Variants in CFAP47 observed in about 807,000 individuals in gnomAD.
CFAP47 encodes cilia- and flagella-associated protein 47.
A neutral mutation model predicts 148.1 loss-of-function variants in CFAP47; 29 were observed. The observed-to-expected ratio is 0.20, with a 90% confidence interval of 0.15 to 0.27. CFAP47 has a LOEUF of 0.27. CFAP47 is among the 10% of genes least tolerant of loss of function. CFAP47 has a pLI of 1.00. For missense variants in CFAP47, 1,872 were observed against 1,697.5 expected (o/e 1.10, Z -1.81); for synonymous variants, 664 against 577.3 (o/e 1.15, Z -2.15).
intron 49 of CFAP47, among the ~76,000 whole-genome samples, chrX:36,265,137 A>T (rs1480352945): frequency 9.3e-6 from 1 of 107,067 alleles, no homozygotes; most frequent in East Asian, 3.1e-4. Context: ...GGTAAGCTGT[A>T]TTTCTAGGTA....
At chrX:35,920,655 G>T (rs1295918125) in intron 1 of CFAP47, among the ~76,000 whole-genome samples, 2 of 111,418 alleles carry the variant, frequency 1.8e-5, no homozygotes, top group Non-Finnish European at 3.8e-5. Flanking sequence ...AAAGTGGGCA[G>T]AATTTCCTCT....
chrX:36,204,384 A>C (rs1940015922), intron 44 of CFAP47, among the ~76,000 whole-genome samples: 1 of 110,040 alleles, frequency 9.1e-6, no homozygotes. Flanking sequence ...AACAATGAGA[A>C]CACATGGACA....
intron 30 of CFAP47, among the ~76,000 whole-genome samples, chrX:36,089,356 C>T (rs1938145171): frequency 9.2e-6 from 1 of 109,051 alleles, no homozygotes; most frequent in Non-Finnish European, 1.9e-5. Flanking sequence ...GCAACAAGAG[C>T]GAAACTCCAT....
intron 60 of CFAP47, among the ~76,000 whole-genome samples, chrX:36,360,176 T>C (rs1941817034): frequency 8.9e-6 from 1 of 112,215 alleles, no homozygotes; most frequent in Non-Finnish European, 1.9e-5. Flanking sequence ...TTGTATGTGA[T>C]GAGACAGTTT....
Position 36,046,988 on chromosome X carries a change from G to T in CFAP47, c.4142G>T (p.Cys1381Phe). 8.6e-7 allele frequency: 1 copy of T among 1,164,632 alleles called. No individual in the cohort carries two copies. Among genetic ancestry groups the T allele is most frequent in the East Asian group, 3.3e-5 (1 of 30,705 alleles). Residue 1381 changes from cysteine to phenylalanine, a missense_variant, in exon 26 of 64, where the codon TGC (cysteine) becomes TTC (phenylalanine). By Grantham distance (205) the Cys-to-Phe change is radical. Transcript: ENST00000378653. ...AGTGGAATTAATAATAAGCTCACTT[G>T]CCACCTCAGTTTCAAGTCATCTAAA... ...SHSGINNKLT[C>F]HLSFKSSKPV... is the part of the protein sequence containing the mutation.
At chrX:35,997,110 T>A (rs1936856516) in intron 18 of CFAP47, among the ~76,000 whole-genome samples, 1 of 111,720 alleles carries the variant, frequency 9.0e-6, no homozygotes, top group Admixed American at 9.6e-5. Context: ...ATGGTGGTTC[T>A]AAGGGGTCAA....
intron 39 of CFAP47, among the ~76,000 whole-genome samples, chrX:36,174,589 G>C (rs1191511895): frequency 2.2e-5 from 2 of 90,413 alleles, no homozygotes; most frequent in African/African-American, 4.1e-5. Flanking sequence ...TGAAATTCTG[G>C]GTTGAAAATT....
At chrX:36,284,648 T>C (rs1941113476) in intron 50 of CFAP47, among the ~76,000 whole-genome samples, 1 of 111,743 alleles carries the variant, frequency 8.9e-6, no homozygotes, top group South Asian at 3.7e-4. Context: ...CATATACTCA[T>C]GAAAAACCTT....
At chrX:36,371,792 GTATATACACACATGTA>G (rs1941957312) in intron 62 of CFAP47, among the ~76,000 whole-genome samples, 1 of 51,993 alleles carries the variant, frequency 1.9e-5, no homozygotes, top group African/African-American at 1.7e-4. Flanking sequence ...ATATATGTGT[GTATATACACACATGTA>G]TATATGTGTG....
At chrX:36,225,059 T>G (rs1334457364) in intron 45 of CFAP47, among the ~76,000 whole-genome samples, 1 of 111,782 alleles carries the variant, frequency 8.9e-6, no homozygotes, top group East Asian at 2.8e-4. Flanking sequence ...TTGTAATTTT[T>G]CTGTAAATTT....
chrX:36,211,294 G>T, intron 45 of CFAP47: 1 of 256,072 alleles, frequency 3.9e-6, no homozygotes. Flanking sequence ...AGGAAAATTT[G>T]AAGACATGGC....
chrX:36,070,011 C>G (rs1386583343), intron 27 of CFAP47, among the ~76,000 whole-genome samples: 1 of 111,507 alleles, frequency 9.0e-6, no homozygotes, highest in Non-Finnish European at 1.9e-5. Flanking sequence ...CCTAATGCAT[C>G]TACCACAAAT....
At chrX:36,149,601 T>C (rs1939281356) in intron 37 of CFAP47, among the ~76,000 whole-genome samples, 2 of 77,301 alleles carry the variant, frequency 2.6e-5, no homozygotes, top group South Asian at 2.0e-3. Context: ...TATTTATTTA[T>C]TTATTTATTT....
At chrX:36,121,519 T>A (rs1938743616) in intron 33 of CFAP47, among the ~76,000 whole-genome samples, 1 of 111,076 alleles carries the variant, frequency 9.0e-6, no homozygotes, top group Non-Finnish European at 1.9e-5. Flanking sequence ...CTTTATATTT[T>A]TTGTGTATCC....
At chrX:36,173,915 T>C (rs981535022) in intron 39 of CFAP47, among the ~76,000 whole-genome samples, 1 of 111,586 alleles carries the variant, frequency 9.0e-6, no homozygotes, top group Non-Finnish European at 1.9e-5. Context: ...AAGTCTCCCA[T>C]TATTAATGTG....
chrX:36,145,271 A>G lies in CFAP47; in HGVS notation c.5588A>G (p.Tyr1863Cys). 3.3e-6 allele frequency: 1 copy of G among 301,883 alleles called. No homozygotes were observed. The highest frequency in any genetic ancestry group is 5.8e-6 in the Non-Finnish European group (1 of 172,848). 24.9% of individuals were successfully genotyped at this position (301,883 alleles called of 1,213,427 possible). A position where few individuals can be genotyped will look rare whatever the true frequency, so the allele number is the denominator to read the frequency against. ...ATCCTGATGCTCATGCTTTGTGTCT[A>G]CATGTATGAAAGACTCCCTACATAT... ...NPILMLMLCV[Y>C]MYERLPTYLP... Residue 1863 changes from tyrosine to cysteine, a missense_variant, in exon 36 of 64, where the codon TAC becomes TGC. Physicochemically the swap from Tyr to Cys is radical, Grantham distance 194 (BLOSUM62 -2). Coordinates refer to ENST00000378653, the MANE Select transcript of CFAP47 (RefSeq NM_001304548.2).
At chrX:36,360,001 C>T (rs782281586) in intron 60 of CFAP47, among the ~76,000 whole-genome samples, 1 of 111,107 alleles carries the variant, frequency 9.0e-6, no homozygotes, top group East Asian at 2.8e-4. Flanking sequence ...GATCCACCCA[C>T]CTCAGCCTCC....
intron 18 of CFAP47, among the ~76,000 whole-genome samples, chrX:35,996,250 T>C (rs761766058): frequency 9.0e-6 from 1 of 111,564 alleles, no homozygotes; most frequent in African/African-American, 3.3e-5. Context: ...TTTGTAATTT[T>C]CTCTGAAGCA....
At chrX:36,313,370 C>CA (rs1275562415) in intron 56 of CFAP47, among the ~76,000 whole-genome samples, 1 of 109,792 alleles carries the variant, frequency 9.1e-6, no homozygotes, top group Non-Finnish European at 1.9e-5. Context: ...GAGGAAATAT[C>CA]AAACACTTAT....
Sources: gnomAD v4.1 joint callset for allele counts (sites outside exome capture counted in the v4.1 genomes callset) on GRCh38, gnomAD v4.1.1 for gene constraint, MANE v1.5 for transcripts, NCBI Gene and HGNC (gene_info 2026-07-23, HGNC 2026-07-21) for gene names.